The following ELAPOR2 variants were observed in gnomAD, a reference collection of about 807,000 sequenced individuals.
The protein encoded by ELAPOR2 is endosome/lysosome-associated apoptosis and autophagy regulator family member 2.
A neutral mutation model predicts 120.7 loss-of-function variants in ELAPOR2; 89 were observed. The observed-to-expected ratio is 0.74, with a 90% CI of 0.62 to 0.88. The LOEUF (loss-of-function observed/expected upper bound fraction) is 0.88. Ranked by LOEUF, ELAPOR2 falls within the 40% of genes least tolerant of loss-of-function variation. ELAPOR2 has a pLI of 0.00. For missense variants in ELAPOR2, 1,134 were observed against 1,251.6 expected (o/e 0.91, Z 1.42); for synonymous variants, 444 against 444.9 (o/e 1.00, Z 0.03).
At chr7:87,057,016 C>T (rs1795285536) in intron 1 of ELAPOR2, among the ~76,000 whole-genome samples, 4 of 152,240 alleles carry the variant, frequency 2.6e-5, no homozygotes, top group Admixed American at 2.6e-4. Context: ...ACTGCCCTCA[C>T]TCTGTTCCCC....
intron 19 of ELAPOR2, among the ~76,000 whole-genome samples, chr7:86,893,592 A>C (rs973829047): frequency 3.9e-5 from 6 of 152,008 alleles, no homozygotes; most frequent in South Asian, 2.1e-4. Context: ...GGAAGAACAG[A>C]CCCTAGACCT....
intron 1 of ELAPOR2, among the ~76,000 whole-genome samples, chr7:87,040,844 C>T (rs1794760447): frequency 6.6e-6 from 1 of 151,916 alleles, no homozygotes; most frequent in African/African-American, 2.4e-5. Flanking sequence ...AAACCAAAGG[C>T]AAAGAAGTTG....
intron 10 of ELAPOR2, 22 bp downstream of exon 10, chr7:86,925,506 A>G (rs751738356): frequency 2.5e-6 from 4 of 1,609,642 alleles, no homozygotes; most frequent in Admixed American, 1.7e-5. Context: ...AAATACATCA[A>G]GTAGGCTGAT....
rs148212149 is a variant in ELAPOR2, at chr7:86,907,736, C to T, written c.2492G>A (p.Arg831Gln). ...STATTSCINGRSTAVKMRCNP... is the reference protein window; with the variant it reads ...STATTSCINGQSTAVKMRCNP... ...ACACCTCATTTTCACAGCAGTTGAT[C>T]GGCCATTAATACAAGATGTTGTTGC... The change falls in exon 18 of 22, where the codon CGA (arginine) becomes CAA (glutamine). Residue 831 changes from arginine to glutamine, a missense_variant. Physicochemically the swap from Arg to Gln is conservative, Grantham distance 43. This residue lies in a region of ELAPOR2 where 831 missense variants were observed against 867.6 expected (regional missense o/e 0.96). Transcript: ENST00000450689. 254 of 1,573,716 alleles carry T rather than the reference C, an allele frequency of 1.6e-4. No homozygotes were observed. Among genetic ancestry groups the T allele is most frequent in the South Asian group, 3.6e-4 (30 of 83,016 alleles).
At chr7:86,984,887 A>G (rs1792657024) in intron 1 of ELAPOR2, among the ~76,000 whole-genome samples, 1 of 152,180 alleles carries the variant, frequency 6.6e-6, no homozygotes, top group Non-Finnish European at 1.5e-5. Flanking sequence ...AAAAATCAAT[A>G]AATCCTGGAG....
intron 21 of ELAPOR2, among the ~76,000 whole-genome samples, chr7:86,881,889 C>T (rs1799426073): frequency 6.6e-6 from 1 of 152,178 alleles, no homozygotes; most frequent in Non-Finnish European, 1.5e-5. Context: ...AGAATAGTGA[C>T]ATGAGAAGAT....
chr7:86,906,586 T>C (rs182048935), intron 18 of ELAPOR2, among the ~76,000 whole-genome samples: 1 of 152,108 alleles, frequency 6.6e-6, no homozygotes. Flanking sequence ...CAGGTTAAAA[T>C]CTCCCAAGGG....
chr7:86,966,851 C>T (rs539693751), intron 1 of ELAPOR2, among the ~76,000 whole-genome samples: 1 of 152,270 alleles, frequency 6.6e-6, no homozygotes, highest in East Asian at 1.9e-4. Context: ...ATTTATTGCC[C>T]TGTGGCTTCA....
intron 1 of ELAPOR2, among the ~76,000 whole-genome samples, chr7:86,983,284 C>A (rs1269738597): frequency 7.9e-5 from 12 of 152,138 alleles, no homozygotes; most frequent in Admixed American, 7.9e-4. Flanking sequence ...TCCAGGAGAA[C>A]ATCCCCAACC....
intron 18 of ELAPOR2, among the ~76,000 whole-genome samples, chr7:86,901,755 C>T (rs1479620821): frequency 6.6e-6 from 1 of 152,122 alleles, no homozygotes; most frequent in Non-Finnish European, 1.5e-5. Flanking sequence ...GTGAGCTCCC[C>T]ACGTTGGGGT....
At position 86,916,160 on chromosome 7, in the gene ELAPOR2, G is replaced by A. The variant is rs909511477; in HGVS notation, c.1594-1300C>T. Among the ~76,000 whole-genome samples the A allele has an allele frequency of 2.6e-5, 4 of 152,176 alleles. No homozygotes were observed. In the South Asian group the frequency reaches 8.3e-4, roughly 32 times the overall value. On this transcript the variant is annotated intron_variant, in intron 12 of 21. Coordinates refer to ENST00000450689, the MANE Select transcript of ELAPOR2 (RefSeq NM_001142749.3). ...TGATTCCTCAATACAAATATCATAAGATCCCTACTCTCAGGGATGCCTGGT... is the reference window on the plus strand; with the variant it reads ...TGATTCCTCAATACAAATATCATAAAATCCCTACTCTCAGGGATGCCTGGT...
chr7:87,050,677 A>C (rs1795074359), intron 1 of ELAPOR2, among the ~76,000 whole-genome samples: 1 of 152,250 alleles, frequency 6.6e-6, no homozygotes, highest in Non-Finnish European at 1.5e-5. Flanking sequence ...GTTGAACAAA[A>C]GAATAACAGT....
chr7:87,045,501 C>G (rs946645976), intron 1 of ELAPOR2, among the ~76,000 whole-genome samples: 1 of 150,596 alleles, frequency 6.6e-6, no homozygotes, highest in Admixed American at 6.6e-5. Flanking sequence ...AGTAAACTAT[C>G]GCAAGAACAA....
chr7:86,905,173 A>G (rs1788941056), intron 18 of ELAPOR2, among the ~76,000 whole-genome samples: 1 of 149,158 alleles, frequency 6.7e-6, no homozygotes, highest in Non-Finnish European at 1.5e-5. Context: ...AGAAAGAAAG[A>G]AAGAGAGAAA....
At chr7:87,000,423 G>T (rs1171146711) in intron 1 of ELAPOR2, among the ~76,000 whole-genome samples, 1 of 151,984 alleles carries the variant, frequency 6.6e-6, no homozygotes, top group Non-Finnish European at 1.5e-5. Flanking sequence ...TACAATTCCT[G>T]CCAGAGATGC....
chr7:87,022,778 G>T (rs554703306), intron 1 of ELAPOR2, among the ~76,000 whole-genome samples: 2,157 of 150,462 alleles, frequency 0.014, 51 homozygotes, highest in African/African-American at 0.05. Flanking sequence ...ATTCTAACTG[G>T]TGTGAGATGG....
At chr7:86,946,986 A>G (rs1791037589) in intron 3 of ELAPOR2, among the ~76,000 whole-genome samples, 1 of 152,166 alleles carries the variant, frequency 6.6e-6, no homozygotes, top group East Asian at 1.9e-4. Context: ...AGGAAGGAAG[A>G]AAGGAAGGGA....
intron 1 of ELAPOR2, among the ~76,000 whole-genome samples, chr7:86,972,585 A>C (rs765646411): frequency 6.7e-6 from 1 of 148,402 alleles, no homozygotes; most frequent in African/African-American, 2.5e-5. Flanking sequence ...ATCAAGTAAG[A>C]AAAAAAAAAA....
intron 1 of ELAPOR2, among the ~76,000 whole-genome samples, chr7:87,030,105 AGCTGAAAATT>A (rs1794378642): frequency 2.0e-5 from 3 of 152,190 alleles, no homozygotes; most frequent in Non-Finnish European, 4.4e-5. Flanking sequence ...ACAAAGCCAT[AGCTGAAAATT>A]TCAGGTTAAG....
Sources: allele counts gnomAD v4.1 joint callset (sites outside exome capture counted in the v4.1 genomes callset), GRCh38; gene constraint gnomAD v4.1.1; regional missense constraint gnomAD v4.1.1; transcripts MANE v1.5; gene names NCBI Gene and HGNC (gene_info 2026-07-23, HGNC 2026-07-21).